Variants in DOP1A observed in about 807,000 individuals in gnomAD.
DOP1A encodes the protein DOP1 leucine zipper like protein A.
Under a neutral mutation model 267.6 loss-of-function variants are expected in DOP1A, and 90 were observed. The observed-to-expected ratio is 0.34, with a 90% confidence interval of 0.28 to 0.40. DOP1A has a LOEUF of 0.40. Ranked by LOEUF, DOP1A falls within the 10% of genes least tolerant of loss-of-function variation. DOP1A has a pLI of 1.00. For synonymous variants in DOP1A, 932 were observed against 999.1 expected, an observed-to-expected ratio of 0.93 and a Z score of 1.27; for missense variants, 2,437 against 2,900.4, an observed-to-expected ratio of 0.84 and a Z score of 3.67.
At chr6:83,071,407 A>G (rs958213918) in intron 1 of DOP1A, among the ~76,000 whole-genome samples, 3 of 152,054 alleles carry the variant, frequency 2.0e-5, no homozygotes, top group African/African-American at 7.2e-5. Flanking sequence ...GGGTTTCGCC[A>G]TGTTGGTCAC....
downstream of DOP1A, chr6:83,170,485 G>A: frequency 1.2e-6 from 2 of 1,611,774 alleles, no homozygotes; most frequent in Non-Finnish European, 8.5e-7. Flanking sequence ...CAACCTAAGT[G>A]CAAGCATTTC....
At chr6:83,114,501 G>A (rs537944517) in intron 7 of DOP1A, among the ~76,000 whole-genome samples, 134 of 152,306 alleles carry the variant, frequency 8.8e-4, no homozygotes, top group African/African-American at 3.1e-3. Context: ...CCAAAGCAAT[G>A]TATGTGATCT....
chr6:83,088,007 G>A (rs943275457), intron 1 of DOP1A, among the ~76,000 whole-genome samples: 2 of 152,138 alleles, frequency 1.3e-5, no homozygotes, highest in East Asian at 1.9e-4. Context: ...GAGTAGTTGG[G>A]ACTACAGGCG....
At chr6:83,101,165 G>A (rs987263433) in intron 4 of DOP1A, among the ~76,000 whole-genome samples, 4 of 151,956 alleles carry the variant, frequency 2.6e-5, no homozygotes, top group Non-Finnish European at 5.9e-5. Context: ...ACAGGCGCCC[G>A]CCACCACGCC....
intron 15 of DOP1A, 90 bp from the exon 16 acceptor site, chr6:83,128,797 A>T (rs1205340752): frequency 1.4e-6 from 2 of 1,412,286 alleles, no homozygotes; most frequent in African/African-American, 1.4e-5. Context: ...AGTTGTGAAT[A>T]GTCTAAAACA....
At chr6:83,162,766 C>T in intron 37 of DOP1A, 24 bp from the exon 38 acceptor site, 1 of 1,590,964 alleles carries the variant, frequency 6.3e-7, no homozygotes, top group Non-Finnish European at 8.6e-7. Flanking sequence ...CTTACTGATG[C>T]TGATGTCATT....
At chr6:83,091,401 T>C (rs1244686315) in intron 1 of DOP1A, among the ~76,000 whole-genome samples, 14 of 151,718 alleles carry the variant, frequency 9.2e-5, no homozygotes, top group African/African-American at 3.4e-4. Flanking sequence ...ATATTTTGTT[T>C]TATATGTTTG....
rs1413674194 is a variant in DOP1A, at chr6:83,157,114, C to CA, written c.6605-68_6605-67insA. 10 of 1,509,276 alleles carry CA rather than the reference C, an allele frequency of 6.6e-6. No individual in the cohort carries two copies. The East Asian group carries it at 6.8e-5, about 10-fold the overall frequency. The allele number at this position is 1,509,276 out of a possible 1,614,324, so 93.5% of individuals were successfully genotyped here. On this transcript the variant is annotated intron_variant, in intron 34 of 38. Transcript: ENST00000349129. ...TACAGATAGTTTGAGAGTACTGGAC[C>CA]GACAATATAGAAAGTTTTATGTGAT... is the stretch of plus-strand genomic sequence containing the variant.
rs186114990 is a variant in DOP1A, at chr6:83,145,125, A to G, written c.5542-399A>G. ...CTCAAAAAATATATACATATATTGT[A>G]TATATATATATATATGCAAATTTTA... On this transcript the variant is annotated intron_variant, in intron 24 of 38. Transcript: ENST00000349129. 5.4e-3 allele frequency among the ~76,000 whole-genome samples: 577 copies of G among 107,726 alleles called. 9 individuals carry two copies. Among genetic ancestry groups the G allele is most frequent in the African/African-American group, 0.018 (488 of 27,642 alleles). The allele number at this position is 107,726 out of a possible 152,430, so 70.7% of individuals were successfully genotyped here. A position where few individuals can be genotyped will look rare whatever the true frequency, so the allele number is the denominator to read the frequency against.
Position 83,125,745 on chromosome 6 carries a change from T to G in DOP1A, c.1719+12T>G, listed in dbSNP as rs1175179842. 5.0e-6 allele frequency: 8 copies of G among 1,600,830 alleles called. No homozygotes were observed. The highest frequency in any genetic ancestry group is 6.8e-6 in the Non-Finnish European group (8 of 1,169,304). On this transcript the variant is annotated intron_variant, in intron 15 of 38. Coordinates refer to ENST00000349129, the MANE Select transcript of DOP1A (RefSeq NM_015018.4). ...GGGAAGACAAAAAGGTAATTTTAAC[T>G]ATTATTTTTGGTATTAGACTGTTCA...
At chr6:83,142,374 G>T (rs912656045) in intron 24 of DOP1A, among the ~76,000 whole-genome samples, 4 of 152,058 alleles carry the variant, frequency 2.6e-5, no homozygotes, top group African/African-American at 9.7e-5. Context: ...CAGGCATGGT[G>T]GCACACGCCT....
chr6:83,128,585 A>G (rs982053342), intron 15 of DOP1A, among the ~76,000 whole-genome samples: 1 of 152,206 alleles, frequency 6.6e-6, no homozygotes, highest in Non-Finnish European at 1.5e-5. Context: ...GGCATTGTTT[A>G]GACATTAGGA....
intron 1 of DOP1A, among the ~76,000 whole-genome samples, chr6:83,068,837 A>G (rs1279745236): frequency 3.9e-5 from 6 of 152,354 alleles, no homozygotes; most frequent in Non-Finnish European, 7.3e-5. Flanking sequence ...CGAGTAGTCT[A>G]AATGCTTTAT....
At chr6:83,148,128 T>G (rs1055349799) in intron 26 of DOP1A, among the ~76,000 whole-genome samples, 1 of 151,990 alleles carries the variant, frequency 6.6e-6, no homozygotes, top group African/African-American at 2.4e-5. Flanking sequence ...ATTAAGAAAT[T>G]GCAGGCTAGG....
chr6:83,138,453 C>G lies in DOP1A; in HGVS notation c.4411C>G (p.His1471Asp), dbSNP rs1779158064. 1.2e-6 allele frequency: 2 copies of G among 1,612,648 alleles called. No homozygotes were observed. Among genetic ancestry groups the G allele is most frequent in the Non-Finnish European group, 1.7e-6 (2 of 1,179,874 alleles). ...LYYMRSHYPT[H>D]VKVTAQDLIG... ...TTACATGCGTAGCCATTACCCAACTCATGTCAAGGTTACTGCACAAGATTT... is the reference window on the plus strand; with the variant it reads ...TTACATGCGTAGCCATTACCCAACTGATGTCAAGGTTACTGCACAAGATTT... The change falls in exon 21 of 39, where the codon CAT becomes GAT. Residue 1471 changes from histidine to aspartate, a missense_variant. Coordinates refer to ENST00000349129, the MANE Select transcript of DOP1A (RefSeq NM_015018.4).
intron 15 of DOP1A, 47 bp from the exon 16 acceptor site, chr6:83,128,840 G>A: frequency 2.0e-6 from 3 of 1,507,998 alleles, no homozygotes; most frequent in African/African-American, 2.8e-5. Context: ...TTCCTAATAT[G>A]TACACTTTGC....
At chr6:83,127,822 G>A (rs554967269) in intron 15 of DOP1A, among the ~76,000 whole-genome samples, 3 of 152,154 alleles carry the variant, frequency 2.0e-5, no homozygotes, top group Non-Finnish European at 4.4e-5. Flanking sequence ...TTTGCCATGT[G>A]CTTTATATAT....
chr6:83,150,046 G>GT (rs984727295), intron 27 of DOP1A, among the ~76,000 whole-genome samples: 9 of 152,180 alleles, frequency 5.9e-5, no homozygotes, highest in Admixed American at 6.5e-5. Context: ...GTGTGGGAAA[G>GT]TAAGTGTTGA....
chr6:83,125,868 G>C, intron 15 of DOP1A, 135 bp downstream of exon 15: 1 of 740,180 alleles, frequency 1.4e-6, no homozygotes. Flanking sequence ...AGTGTTAGTA[G>C]GCTTGTAGGC....
Sources: gnomAD v4.1 joint callset for allele counts (sites outside exome capture counted in the v4.1 genomes callset) on GRCh38, gnomAD v4.1.1 for gene constraint, MANE v1.5 for transcripts, NCBI Gene and HGNC (gene_info 2026-07-23, HGNC 2026-07-21) for gene names.